Variants in USP39 observed in about 807,000 individuals in gnomAD.
USP39 encodes the protein ubiquitin specific peptidase 39.
Under a neutral mutation model 66.4 loss-of-function variants are expected in USP39, and 38 were observed. The ratio of observed to expected loss-of-function variants is 0.57; its 90% confidence interval spans 0.44 to 0.75. The LOEUF (loss-of-function observed/expected upper bound fraction) is 0.75, where lower values mean the gene tolerates loss of function less well. Ranked by LOEUF, USP39 falls within the 30% of genes least tolerant of loss-of-function variation. The pLI is 0.00. For synonymous variants in USP39, 303 were observed against 274.6 expected (o/e 1.10, Z -1.02); for missense variants, 608 against 714.4 (o/e 0.85, Z 1.70).
chr2:85,647,789 G>A lies in USP39; in HGVS notation c.1564-141G>A, dbSNP rs773881113. On this transcript the variant is annotated intron_variant, in intron 11 of 12. Coordinates refer to ENST00000323701, the MANE Select transcript of USP39 (RefSeq NM_006590.4). ...TTGAATCATGGCCAGAAGAAGTCAT[G>A]TACCCTCTTCTTTATGACTGTTGCT... 574 of 638,442 alleles carry A rather than the reference G, an allele frequency of 9.0e-4. 2 individuals carry two copies. Among genetic ancestry groups the A allele is most frequent in the Middle Eastern group, 3.4e-3 (12 of 3,488 alleles). 39.5% of individuals were successfully genotyped at this position (638,442 alleles called of 1,614,324 possible).
At chr2:85,630,526 C>T (rs1211991794) in intron 5 of USP39, among the ~76,000 whole-genome samples, 195 bp from the exon 6 acceptor site, 5 of 152,142 alleles carry the variant, frequency 3.3e-5, no homozygotes, top group Admixed American at 6.6e-5. Context: ...AACTGTAGTT[C>T]GTATGAAACT....
chr2:85,613,958 G>T (rs916792722), upstream of USP39, among the ~76,000 whole-genome samples: 1 of 151,320 alleles, frequency 6.6e-6, no homozygotes, highest in African/African-American at 2.4e-5. Context: ...GAGATGGGGG[G>T]GGTCTCTCTA....
chr2:85,636,845 G>A (rs947130587), intron 7 of USP39, among the ~76,000 whole-genome samples: 6 of 152,196 alleles, frequency 3.9e-5, no homozygotes, highest in African/African-American at 1.4e-4. Flanking sequence ...TCTACCAGGT[G>A]TCTTCAGCCT....
chr2:85,616,527 T>A, intron 1 of USP39, 64 bp downstream of exon 1: 2 of 1,130,550 alleles, frequency 1.8e-6, no homozygotes, highest in Non-Finnish European at 2.2e-6. Flanking sequence ...TTTTCTTGTC[T>A]CTAATCTTCC....
chr2:85,614,557 G>A (rs1287499167), upstream of USP39, among the ~76,000 whole-genome samples: 1 of 152,162 alleles, frequency 6.6e-6, no homozygotes, highest in Non-Finnish European at 1.5e-5. Flanking sequence ...CTACTCCATT[G>A]ACAGAATAGG....
chr2:85,641,130 C>A lies in USP39; in HGVS notation c.1427+12C>A. On this transcript the variant is annotated intron_variant, in intron 10 of 12. Transcript: ENST00000323701. ...AATTTCCCTATTACGTAAGTAACAT[C>A]CTGCCTCACTTCTCTCACGGGGAGT... 1 of 1,611,460 alleles carries A rather than the reference C, an allele frequency of 6.2e-7. No individual in the cohort carries two copies. Among genetic ancestry groups the A allele is most frequent in the South Asian group, 1.1e-5 (1 of 90,270 alleles).
chr2:85,623,640 C>G lies in USP39; in HGVS notation c.434-6C>G. The G allele has an allele frequency of 6.2e-7, 1 of 1,611,010 alleles. No individual in the cohort carries two copies. Among genetic ancestry groups the G allele is most frequent in the Non-Finnish European group, 8.5e-7 (1 of 1,178,724 alleles). On this transcript the variant is annotated splice_region_variant and splice_polypyrimidine_tract_variant and intron_variant, in intron 3 of 12. Transcript: ENST00000323701. ...TTCTATTACAGCTTTTCACCCTTCC[C>G]TACAGGCCGGGGTTTGAAGTCTCAC...
Position 85,630,815 on chromosome 2 carries a change from T to C in USP39, c.818T>C (p.Leu273Ser). Reference sequence around the variant, plus strand: ...CCTCCAGGGGATATCATGTTCTTGTTGGTCCAGCGTTTTGGAGAGCTGATG... The same window carrying C: ...CCTCCAGGGGATATCATGTTCTTGTCGGTCCAGCGTTTTGGAGAGCTGATG... ...KRPPGDIMFL[L>S]VQRFGELMRK... The change falls in exon 6 of 13, where the codon TTG (leucine) becomes TCG (serine). Residue 273 changes from leucine (L) to serine (S), a missense_variant. Around this residue, in one of 6 missense-constraint regions of USP39, gnomAD observed 33 missense variants for 21.7 expected, o/e 1.52. Coordinates refer to ENST00000323701, the MANE Select transcript of USP39 (RefSeq NM_006590.4). 2 of 1,614,220 alleles carry C rather than the reference T, an allele frequency of 1.2e-6. No individual in the cohort carries two copies. Among genetic ancestry groups the C allele is most frequent in the Non-Finnish European group, 1.7e-6 (2 of 1,180,038 alleles).
chr2:85,623,618 T>C, intron 3 of USP39, 28 bp from the exon 4 acceptor site: 1 of 1,604,772 alleles, frequency 6.2e-7, no homozygotes, highest in Admixed American at 1.7e-5. Flanking sequence ...TCTGCCCTTC[T>C]ATTACAGCTT....
chr2:85,624,275 G>T (rs1162057260), intron 4 of USP39, among the ~76,000 whole-genome samples: 1 of 151,980 alleles, frequency 6.6e-6, no homozygotes, highest in Non-Finnish European at 1.5e-5. Context: ...TTTGATTAGT[G>T]TTGGGCTTTT....
chr2:85,608,958 T>C (rs373678804), upstream of USP39: 49 of 1,614,242 alleles, frequency 3.0e-5, no homozygotes, highest in African/African-American at 5.9e-4. Context: ...GTGTTGGCTC[T>C]GGCGCTTTGC....
At position 85,636,126 on chromosome 2, in the gene USP39, G is replaced by A. The variant is rs775028076; in HGVS notation, c.1023G>A (p.Lys341=). 2.5e-6 allele frequency: 4 copies of A among 1,613,638 alleles called. No individual in the cohort carries two copies. Among genetic ancestry groups the A allele is most frequent in the Non-Finnish European group, 3.4e-6 (4 of 1,179,872 alleles). ...CTCTGGGGGGCACAAAGAAGAAAAAGAAGAGTAAGTCATTTACTTATAAAA... is the reference window on the plus strand; with the variant it reads ...CTCTGGGGGGCACAAAGAAGAAAAAAAAGAGTAAGTCATTTACTTATAAAA... ...HSALGGTKKK[K]KTIVTDVFQG... Residue 341 remains lysine (K), a synonymous_variant, in exon 7 of 13, where the codon AAG becomes AAA. Coordinates refer to ENST00000323701, the MANE Select transcript of USP39 (RefSeq NM_006590.4).
chr2:85,623,502 G>A lies in USP39; in HGVS notation c.434-144G>A, dbSNP rs764817585. The A allele has an allele frequency of 2.1e-5, 25 of 1,193,816 alleles. No homozygotes were observed. In the South Asian group the frequency reaches 4.6e-4, roughly 22 times the overall value. The allele number at this position is 1,193,816 out of a possible 1,614,324, so 74.0% of individuals were successfully genotyped here. On this transcript the variant is annotated intron_variant, in intron 3 of 12. Transcript: ENST00000323701. Reference sequence around the variant, plus strand: ...TTTTTTTATGAGAGAACTTCATGTGGAGGATTCATTTTATGAATGGCATAA... The same window carrying A: ...TTTTTTTATGAGAGAACTTCATGTGAAGGATTCATTTTATGAATGGCATAA...
Position 85,649,212 on chromosome 2 carries a change from T to C in USP39, c.*404T>C, listed in dbSNP as rs1676881657. ...ACTTCGCTCTGTTAGAGGTGGAGGA[T>C]TTTCCTATGGTTCCCCCCATTTCCT... On this transcript the variant is annotated 3_prime_UTR_variant, in exon 13 of 13. Transcript: ENST00000323701. 2 of 166,134 alleles carry C rather than the reference T, an allele frequency of 1.2e-5. No individual in the cohort carries two copies. Among genetic ancestry groups the C allele is most frequent in the Admixed American group, 6.4e-5 (1 of 15,666 alleles). The allele number at this position is 166,134 out of a possible 1,614,324, so 10.3% of individuals were successfully genotyped here. A position where few individuals can be genotyped will look rare whatever the true frequency, so the allele number is the denominator to read the frequency against.
rs62166783 is a variant in USP39, at chr2:85,648,360, C to T, written c.1650+344C>T. On this transcript the variant is annotated intron_variant, in intron 12 of 12. Coordinates refer to ENST00000323701, the MANE Select transcript of USP39 (RefSeq NM_006590.4). Reference sequence around the variant, plus strand: ...CTAGAAGTCGACCACGAAGTGCTCCCCAGAGCCCCAGGCAGCTTTGTGACC... The same window carrying T: ...CTAGAAGTCGACCACGAAGTGCTCCTCAGAGCCCCAGGCAGCTTTGTGACC... Among the ~76,000 whole-genome samples, 919 of 152,276 alleles carry T rather than the reference C, an allele frequency of 6.0e-3. 5 individuals carry two copies. Among genetic ancestry groups the T allele is most frequent in the Admixed American group, 0.012 (182 of 15,284 alleles).
chr2:85,644,906 G>A, intron 10 of USP39, 42 bp from the exon 11 acceptor site: 1 of 1,611,878 alleles, frequency 6.2e-7, no homozygotes, highest in Non-Finnish European at 8.5e-7. Context: ...TAACCTCACA[G>A]CCTTTGTCTG....
At chr2:85,608,788 G>A, upstream of USP39, 1 of 781,336 alleles carries the variant, frequency 1.3e-6, no homozygotes, top group Non-Finnish European at 1.9e-6. Flanking sequence ...ATGACTGCAA[G>A]GCAGGCCAGG....
upstream of USP39, chr2:85,615,970 C>T (rs928491042): frequency 1.2e-6 from 1 of 829,042 alleles, no homozygotes; most frequent in Non-Finnish European, 1.5e-6. Flanking sequence ...GTAAAGGTTC[C>T]CGTCTCAGTA....
chr2:85,605,732 C>T (rs940996509), intron 1 of USP39, among the ~76,000 whole-genome samples: 2 of 152,152 alleles, frequency 1.3e-5, no homozygotes, highest in Admixed American at 1.3e-4. Flanking sequence ...ATTCAGAGAT[C>T]CTGTCAAATG....
Sources: gnomAD v4.1 joint callset for allele counts (sites outside exome capture counted in the v4.1 genomes callset) on GRCh38, gnomAD v4.1.1 for gene constraint, gnomAD v4.1.1 regional missense constraint, MANE v1.5 for transcripts, NCBI Gene and HGNC (gene_info 2026-07-23, HGNC 2026-07-21) for gene names.